The following PRKN variants were observed in gnomAD, a reference collection of about 807,000 sequenced individuals.
PRKN encodes the protein E3 ubiquitin-protein ligase parkin.
Under a neutral mutation model 59.5 loss-of-function variants are expected in PRKN, and 56 were observed. The observed-to-expected ratio is 0.94, with a 90% CI of 0.76 to 1.18. The LOEUF is 1.18. Among genes scored for constraint, PRKN ranks in the 50% most tolerant of loss-of-function variants. The pLI, the probability that PRKN is intolerant of heterozygous loss-of-function variation, is 0.00. For missense variants in PRKN, 657 were observed against 596.4 expected, an observed-to-expected ratio of 1.10 and a Z score of -1.06; for synonymous variants, 250 against 222.1, an observed-to-expected ratio of 1.13 and a Z score of -1.12.
chr6:161,643,048 G>C (rs1033334352), intron 7 of PRKN, among the ~76,000 whole-genome samples: 1 of 152,068 alleles, frequency 6.6e-6, no homozygotes, highest in Non-Finnish European at 1.5e-5. Context: ...AGTCAGAATT[G>C]GTTTCGAGTT....
chr6:162,150,709 TC>T (rs1188939280), intron 4 of PRKN, among the ~76,000 whole-genome samples: 1 of 152,186 alleles, frequency 6.6e-6, no homozygotes, highest in African/African-American at 2.4e-5. Context: ...CCAGCTTTTT[TC>T]AAGGTGAAAT....
At chr6:161,714,019 C>T (rs574880932) in intron 7 of PRKN, among the ~76,000 whole-genome samples, 1 of 152,302 alleles carries the variant, frequency 6.6e-6, no homozygotes, top group African/African-American at 2.4e-5. Flanking sequence ...CCATGTGGAA[C>T]TGTCAGTCCA....
intron 1 of PRKN, among the ~76,000 whole-genome samples, chr6:162,517,830 C>T (rs932778008): frequency 1.3e-5 from 2 of 152,036 alleles, no homozygotes; most frequent in Non-Finnish European, 2.9e-5. Flanking sequence ...ATTATATTAA[C>T]CAACAATCTT....
intron 9 of PRKN, among the ~76,000 whole-genome samples, chr6:161,508,133 A>T (rs2115323477): frequency 6.6e-6 from 1 of 152,376 alleles, no homozygotes; most frequent in African/African-American, 2.4e-5. Flanking sequence ...TTGCAATCAC[A>T]GACTACAAAA....
intron 6 of PRKN, among the ~76,000 whole-genome samples, chr6:161,803,585 C>A (rs1420922293): frequency 6.6e-6 from 1 of 152,182 alleles, no homozygotes; most frequent in Non-Finnish European, 1.5e-5. Flanking sequence ...CTCAGCCCAG[C>A]CCCAGCTCAA....
intron 1 of PRKN, among the ~76,000 whole-genome samples, chr6:162,485,546 T>C (rs2128183432): frequency 6.6e-6 from 1 of 152,302 alleles, no homozygotes; most frequent in African/African-American, 2.4e-5. Context: ...AAATTAGCAC[T>C]TGACTCCCAC....
At chr6:162,335,138 C>A (rs780696674) in intron 2 of PRKN, among the ~76,000 whole-genome samples, 5 of 151,962 alleles carry the variant, frequency 3.3e-5, no homozygotes, top group Non-Finnish European at 5.9e-5. Flanking sequence ...CTCAGCCTCC[C>A]GAGTACCTGT....
rs1367291588 is a variant in PRKN, at chr6:161,397,092, A to G, written c.1084-10215T>C. ...TTCCCAAGCCCTGTTTCTTACTCAT[A>G]CCTCTATTAAACTGTTTCACCCTCT... On this transcript the variant is annotated intron_variant, in intron 9 of 11. Transcript: ENST00000366898. This position sits in a 1 kb window ranked among gnomAD's most constrained non-coding sequence, Gnocchi z 4.2. Among the ~76,000 whole-genome samples, 1 of 151,970 alleles carries G rather than the reference A, an allele frequency of 6.6e-6. No homozygotes were observed. Among genetic ancestry groups the G allele is most frequent in the African/African-American group, 2.4e-5 (1 of 41,334 alleles).
chr6:162,302,266 C>T (rs1335259908), intron 2 of PRKN, among the ~76,000 whole-genome samples: 1 of 152,036 alleles, frequency 6.6e-6, no homozygotes, highest in Non-Finnish European at 1.5e-5. Flanking sequence ...TATTTAATGC[C>T]CTCCTATTGT....
chr6:162,720,422 T>A (rs970158995), intron 1 of PRKN, among the ~76,000 whole-genome samples: 7 of 146,310 alleles, frequency 4.8e-5, no homozygotes, highest in Non-Finnish European at 7.5e-5. Context: ...AATACACACA[T>A]CTGTCCATAG....
At chr6:162,389,347 T>C (rs896064894) in intron 2 of PRKN, among the ~76,000 whole-genome samples, 2 of 152,084 alleles carry the variant, frequency 1.3e-5, no homozygotes, top group Non-Finnish European at 2.9e-5. Flanking sequence ...TAGGTAATGA[T>C]TGCCCATGGG....
At chr6:162,726,722 A>G (rs1779219140) in intron 1 of PRKN, among the ~76,000 whole-genome samples, 1 of 152,214 alleles carries the variant, frequency 6.6e-6, no homozygotes, top group African/African-American at 2.4e-5. Flanking sequence ...ACTGCAATCA[A>G]AAGTGTTTTG....
At chr6:161,756,742 C>G (rs948737326) in intron 7 of PRKN, among the ~76,000 whole-genome samples, 1 of 152,090 alleles carries the variant, frequency 6.6e-6, no homozygotes, top group Non-Finnish European at 1.5e-5. Context: ...TCACTTCAAA[C>G]TCTGAGTCAT....
At chr6:161,903,886 T>C (rs1458381675) in intron 6 of PRKN, among the ~76,000 whole-genome samples, 1 of 151,720 alleles carries the variant, frequency 6.6e-6, no homozygotes, top group Non-Finnish European at 1.5e-5. Flanking sequence ...AGTTAAGATA[T>C]AGTCAAATAA....
intron 6 of PRKN, among the ~76,000 whole-genome samples, chr6:161,942,095 G>A (rs935334924): frequency 1.3e-5 from 2 of 151,920 alleles, no homozygotes; most frequent in Non-Finnish European, 2.9e-5. Flanking sequence ...TATGGCCCTC[G>A]AGCTACCAAA....
chr6:161,709,094 C>T (rs1329765911), intron 7 of PRKN, among the ~76,000 whole-genome samples: 1 of 152,176 alleles, frequency 6.6e-6, no homozygotes, highest in African/African-American at 2.4e-5. Flanking sequence ...AATGATTGGA[C>T]ATCTTAGTTT....
intron 1 of PRKN, among the ~76,000 whole-genome samples, chr6:162,629,047 A>T (rs1050850791): frequency 1.3e-5 from 2 of 152,156 alleles, no homozygotes; most frequent in African/African-American, 4.8e-5. Flanking sequence ...CTGGATAATG[A>T]TCCATAATGA....
intron 4 of PRKN, among the ~76,000 whole-genome samples, chr6:162,121,775 G>C (rs187117589): frequency 6.6e-6 from 1 of 152,134 alleles, no homozygotes; most frequent in Non-Finnish European, 1.5e-5. Context: ...TGCTGGCTCA[G>C]CTCATACCTG....
chr6:161,380,976 C>T (rs774809152), intron 10 of PRKN, among the ~76,000 whole-genome samples: 25 of 152,298 alleles, frequency 1.6e-4, no homozygotes, highest in African/African-American at 1.7e-4. Context: ...CACCCCCACC[C>T]GCCCCAGCAT....
Sources: gnomAD v4.1 joint callset for allele counts (sites outside exome capture counted in the v4.1 genomes callset) on GRCh38, gnomAD v4.1.1 for gene constraint, Gnocchi (gnomAD v3.1) non-coding constraint, MANE v1.5 for transcripts, NCBI Gene and HGNC (gene_info 2026-07-23, HGNC 2026-07-21) for gene names.